ARGFX: variants seen among roughly 807,000 people sequenced by gnomAD.
The protein encoded by ARGFX is arginine-fifty homeobox.
Under a neutral mutation model 8.0 loss-of-function variants are expected in ARGFX, and 10 were observed. The observed-to-expected ratio is 1.25, with a 90% CI of 0.77 to 2.12. The LOEUF is 2.12. Among genes scored for constraint, ARGFX ranks in the 30% most tolerant of loss-of-function variants. ARGFX has a pLI of 0.00. For synonymous variants in ARGFX, 116 were observed against 117.8 expected, an observed-to-expected ratio of 0.98 and a Z score of 0.10; for missense variants, 282 against 324.3, an observed-to-expected ratio of 0.87 and a Z score of 1.00.
rs1366248252 is a variant in ARGFX at position 121,589,836 on chromosome 3, A to G, written c.*3236A>G. On this transcript the variant is annotated 3_prime_UTR_variant, in exon 5 of 5. Transcript: ENST00000334384. ...TTAAAATTCTTAAGAAAACTTCACT[A>G]ATATATAGTCATAATGTGGTATATT... 6.6e-6 allele frequency among the ~76,000 whole-genome samples: 1 copy of G among 152,236 alleles called. No individual in the cohort carries two copies.
chr3:121,570,707 A>G lies in ARGFX; in HGVS notation c.-7A>G. On this transcript the variant is annotated 5_prime_UTR_variant, in exon 2 of 5. Transcript: ENST00000334384. ...TCATAGGCCTTCCATCTCAGATTTC[A>G]GAAACCATGAGGAACAGAATGGCCC... 7 of 1,595,268 alleles carry G rather than the reference A, an allele frequency of 4.4e-6. No individual in the cohort carries two copies. The highest frequency in any genetic ancestry group is 6.0e-6 in the Non-Finnish European group (7 of 1,170,966).
intron 3 of ARGFX, among the ~76,000 whole-genome samples, chr3:121,577,236 T>TATATATCTACATGTAC (rs2048744616): frequency 1.3e-4 from 8 of 61,024 alleles, no homozygotes; most frequent in Middle Eastern, 5.1e-3. Flanking sequence ...CATATATATA[T>TATATATCTACATGTAC]ATATATATAT....
chr3:121,585,879 C>T (rs778420272), intron 4 of ARGFX, 143 bp from the exon 5 acceptor site: 164 of 737,704 alleles, frequency 2.2e-4, no homozygotes, highest in Admixed American at 4.5e-4. Context: ...CCAGTCATGC[C>T]CATCTCTGCT....
chr3:121,578,165 TGCCCAG>T (rs2048756265), intron 3 of ARGFX, among the ~76,000 whole-genome samples: 1 of 146,578 alleles, frequency 6.8e-6, no homozygotes, highest in African/African-American at 2.5e-5. Flanking sequence ...TCACTCTTGT[TGCCCAG>T]GCTGGAGTGC....
At chr3:121,568,733 A>T (rs905142073) in intron 1 of ARGFX, among the ~76,000 whole-genome samples, 1 of 152,242 alleles carries the variant, frequency 6.6e-6, no homozygotes, top group African/African-American at 2.4e-5. Context: ...GATCACATGA[A>T]TCATGTATAT....
At chr3:121,582,045 G>T (rs1044956042) in intron 3 of ARGFX, among the ~76,000 whole-genome samples, 1 of 152,060 alleles carries the variant, frequency 6.6e-6, no homozygotes, top group African/African-American at 2.4e-5. Context: ...TTTCAATTTT[G>T]TACTATTTGT....
At position 121,574,358 on chromosome 3, in the gene ARGFX, AT is replaced by A. The variant is rs140770370; in HGVS notation, c.104-2424del. Among the ~76,000 whole-genome samples the A allele has an allele frequency of 6.7e-3, 1,021 of 152,226 alleles. 14 individuals are homozygous for A. Among genetic ancestry groups the A allele is most frequent in the African/African-American group, 0.023 (962 of 41,532 alleles). ...TATTGCACATTTTATTTCTATTATT[AT>A]TACATTGTAATATATAATGAAATAA... On this transcript the variant is annotated intron_variant, in intron 2 of 4. Transcript: ENST00000334384.
chr3:121,589,032 GGGCA>G lies in ARGFX; in HGVS notation c.*2433_*2436del. Reference sequence around the variant, plus strand: ...GTCTACAAAAAATAAAAAATTAGCTGGGCATGACGGCCAGAGCCCATGGTCCCAG... The same window carrying G: ...GTCTACAAAAAATAAAAAATTAGCTGTGACGGCCAGAGCCCATGGTCCCAG... On this transcript the variant is annotated 3_prime_UTR_variant, in exon 5 of 5. Coordinates refer to ENST00000334384, the MANE Select transcript of ARGFX (RefSeq NM_001012659.2). Among the ~76,000 whole-genome samples, 1 of 152,234 alleles carries G rather than the reference GGGCA, an allele frequency of 6.6e-6. No individual in the cohort carries two copies. The highest frequency in any genetic ancestry group is 1.5e-5 in the Non-Finnish European group (1 of 68,010).
rs1191481013 is a variant in ARGFX, at chr3:121,586,512, T to A, written c.860T>A (p.Met287Lys). The part of the protein sequence containing the change: ...GLSPAQTWPN[M>K]TSQAFEAYSL... Reference sequence around the variant, plus strand: ...TCTCCTGCACAAACCTGGCCCAATATGACAAGCCAAGCCTTTGAAGCCTAC... The same window carrying A: ...TCTCCTGCACAAACCTGGCCCAATAAGACAAGCCAAGCCTTTGAAGCCTAC... Residue 287 changes from methionine (M) to lysine (K), a missense_variant, in exon 5 of 5, where the codon ATG (methionine) becomes AAG (lysine). Coordinates refer to ENST00000334384, the MANE Select transcript of ARGFX (RefSeq NM_001012659.2). 9 of 1,614,062 alleles carry A rather than the reference T, an allele frequency of 5.6e-6. No individual in the cohort carries two copies. Among genetic ancestry groups the A allele is most frequent in the Admixed American group, 3.3e-5 (2 of 59,998 alleles).
At chr3:121,584,866 A>C in intron 3 of ARGFX, 51 bp from the exon 4 acceptor site, 2 of 1,562,190 alleles carry the variant, frequency 1.3e-6, no homozygotes, top group Non-Finnish European at 1.7e-6. Flanking sequence ...GGTTGGGGGG[A>C]GAGATTGGTA....
intron 3 of ARGFX, among the ~76,000 whole-genome samples, chr3:121,579,945 C>CTT (rs1174620508): frequency 0.04 from 3,610 of 90,758 alleles, 345 homozygotes; most frequent in Middle Eastern, 0.056. Flanking sequence ...CTTTTCTTTT[C>CTT]TTTTTTTTTT....
In ARGFX at chr3:121,586,058, C is replaced by T. The variant is rs1382480652; in HGVS notation, c.406C>T (p.Gln136Ter). ...FRNRRFKLKK[Q>*]QQQQSAKQRN... Reference sequence around the variant, plus strand: ...GAACCGGCGATTCAAATTGAAGAAGCAGCAGCAGCAGCAATCAGCAAAGCA... The same window carrying T: ...GAACCGGCGATTCAAATTGAAGAAGTAGCAGCAGCAGCAATCAGCAAAGCA... The change falls in exon 5 of 5, where the codon CAG (glutamine) becomes TAG (stop). Residue 136 changes from glutamine (Q) to a stop codon, truncating the protein, a stop_gained. Transcript: ENST00000334384. LOFTEE classifies it low-confidence loss of function (END_TRUNC). 30 of 1,584,378 alleles carry T rather than the reference C, an allele frequency of 1.9e-5. No individual in the cohort carries two copies. The highest frequency in any genetic ancestry group is 2.6e-5 in the Non-Finnish European group (30 of 1,167,252).
intron 3 of ARGFX, among the ~76,000 whole-genome samples, chr3:121,579,825 G>A (rs143504073): frequency 5.9e-5 from 9 of 152,190 alleles, no homozygotes; most frequent in East Asian, 1.9e-4. Context: ...GCGAGACCTC[G>A]TGATCTGCCC....
chr3:121,570,856 G>C, intron 2 of ARGFX, 40 bp downstream of exon 2: 2 of 1,379,518 alleles, frequency 1.4e-6, no homozygotes, highest in South Asian at 1.5e-5. Flanking sequence ...CTTTTCTACT[G>C]CCCCATTCTC....
chr3:121,589,968 A>C lies in ARGFX; in HGVS notation c.*3368A>C, dbSNP rs1050394081. Among the ~76,000 whole-genome samples the C allele has an allele frequency of 6.6e-6, 1 of 152,154 alleles. No homozygotes were observed. Among genetic ancestry groups the C allele is most frequent in the Non-Finnish European group, 1.5e-5 (1 of 68,034 alleles). ...AGAGAATAGAAAAGCAATACAGAAA[A>C]AAAATTATGAAATCAAAAGCTGGTT... is the stretch of plus-strand genomic sequence containing the variant. On this transcript the variant is annotated 3_prime_UTR_variant, in exon 5 of 5. Coordinates refer to ENST00000334384, the MANE Select transcript of ARGFX (RefSeq NM_001012659.2).
chr3:121,580,913 G>GT lies in ARGFX; in HGVS notation c.221-3998dup, dbSNP rs370483146. On this transcript the variant is annotated intron_variant, in intron 3 of 4. Coordinates refer to ENST00000334384, the MANE Select transcript of ARGFX (RefSeq NM_001012659.2). ...GCTTCCTTTACTGTATCATCTATATGTTTTTTATTTAATTTACTTTTATTA... is the reference window on the plus strand; with the variant it reads ...GCTTCCTTTACTGTATCATCTATATGTTTTTTTATTTAATTTACTTTTATTA... Among the ~76,000 whole-genome samples the GT allele has an allele frequency of 3.7e-4, 56 of 152,142 alleles. No homozygotes were observed. The East Asian group carries it at 0.01, about 28-fold the overall frequency.
intron 2 of ARGFX, 33 bp from the exon 3 acceptor site, chr3:121,576,745 TTTTCTC>T (rs2048740732): frequency 1.3e-5 from 5 of 372,600 alleles, no homozygotes; most frequent in Admixed American, 3.5e-5. Context: ...CTTTCTTTCT[TTTTCTC>T]TTTCTTTCTT....
rs926252390 is a variant in ARGFX, at chr3:121,589,421, C to G, written c.*2821C>G. On this transcript the variant is annotated 3_prime_UTR_variant, in exon 5 of 5. Transcript: ENST00000334384. ...ACTTTTTTATTGAGATGGAGTCTTGCTCTGTCACCCAGGCCGTGCAATCTC... is the reference window on the plus strand; with the variant it reads ...ACTTTTTTATTGAGATGGAGTCTTGGTCTGTCACCCAGGCCGTGCAATCTC... 6.6e-6 allele frequency among the ~76,000 whole-genome samples: 1 copy of G among 152,042 alleles called. No individual in the cohort carries two copies. Among genetic ancestry groups the G allele is most frequent in the Non-Finnish European group, 1.5e-5 (1 of 68,012 alleles).
intron 4 of ARGFX, 135 bp from the exon 5 acceptor site, chr3:121,585,887 G>T (rs2048809602): frequency 3.7e-6 from 3 of 813,478 alleles, no homozygotes; most frequent in Non-Finnish European, 5.8e-6. Context: ...GCCCATCTCT[G>T]CTTTTGCAGA....
Sources: gnomAD v4.1 joint callset for allele counts (sites outside exome capture counted in the v4.1 genomes callset) on GRCh38, gnomAD v4.1.1 for gene constraint, MANE v1.5 for transcripts, NCBI Gene and HGNC (gene_info 2026-07-23, HGNC 2026-07-21) for gene names.